FNDC3A: variants seen among roughly 807,000 people sequenced by gnomAD.
The protein encoded by FNDC3A is fibronectin type-III domain-containing protein 3A.
A neutral mutation model predicts 148.9 loss-of-function variants in FNDC3A; 32 were observed. The observed-to-expected ratio is 0.21, with a 90% confidence interval of 0.16 to 0.29. FNDC3A has a LOEUF of 0.29. Ranked by LOEUF, FNDC3A falls within the 10% of genes least tolerant of loss-of-function variation. The pLI is 1.00. For missense variants in FNDC3A, 1,191 were observed against 1,452.8 expected (o/e 0.82, Z 2.93); for synonymous variants, 472 against 473.6 (o/e 1.00, Z 0.04).
intron 2 of FNDC3A, among the ~76,000 whole-genome samples, chr13:49,074,479 T>C (rs143348951): frequency 1.8e-4 from 27 of 152,288 alleles, no homozygotes; most frequent in Non-Finnish European, 3.5e-4. Context: ...GAAAACTGCA[T>C]ACCAAGACAC....
chr13:49,111,792 C>T (rs1332965584), intron 3 of FNDC3A, among the ~76,000 whole-genome samples: 1 of 150,170 alleles, frequency 6.7e-6, no homozygotes, highest in African/African-American at 2.4e-5. Context: ...AATTTTTTTG[C>T]TAGAGTGAAA....
chr13:49,028,186 G>C (rs1345479099), intron 2 of FNDC3A, among the ~76,000 whole-genome samples: 1 of 151,792 alleles, frequency 6.6e-6, no homozygotes, highest in Non-Finnish European at 1.5e-5. Flanking sequence ...CTGTACTCTA[G>C]CCTGGGCAAC....
chr13:49,198,846 G>A (rs918430121), intron 23 of FNDC3A, among the ~76,000 whole-genome samples: 1 of 152,132 alleles, frequency 6.6e-6, no homozygotes, highest in Non-Finnish European at 1.5e-5. Context: ...TTTTTAAAAC[G>A]TTAGAAAACA....
At chr13:48,989,522 T>G (rs549529328) in intron 1 of FNDC3A, among the ~76,000 whole-genome samples, 1 of 152,202 alleles carries the variant, frequency 6.6e-6, no homozygotes, top group African/African-American at 2.4e-5. Flanking sequence ...TAATGGCATG[T>G]TAGACTTTGT....
In FNDC3A at chr13:49,070,650, C is replaced by T. The variant is rs190850493; in HGVS notation, c.100-4639C>T. 5.3e-5 allele frequency among the ~76,000 whole-genome samples: 8 copies of T among 152,114 alleles called. No homozygotes were observed. In the South Asian group the frequency reaches 1.2e-3, roughly 24 times the overall value. On this transcript the variant is annotated intron_variant, in intron 2 of 25. Coordinates refer to ENST00000492622, the MANE Select transcript of FNDC3A (RefSeq NM_001079673.2). ...AGTTCTTTACTATCAAATACTAGAACGTATTCTTTCTAACTGTAATTTTGT... is the reference window on the plus strand; with the variant it reads ...AGTTCTTTACTATCAAATACTAGAATGTATTCTTTCTAACTGTAATTTTGT...
chr13:49,158,387 G>A (rs550586942), intron 8 of FNDC3A, among the ~76,000 whole-genome samples: 58 of 152,326 alleles, frequency 3.8e-4, no homozygotes, highest in Admixed American at 1.8e-3. Flanking sequence ...GCTCGCCCAC[G>A]GTACGCGCGC....
chr13:49,187,482 T>C (rs2138096451), intron 16 of FNDC3A: 1 of 1,505,806 alleles, frequency 6.6e-7, no homozygotes, highest in Non-Finnish European at 9.2e-7. Context: ...AACATCCTTA[T>C]GTTTTAAGTA....
intron 8 of FNDC3A, among the ~76,000 whole-genome samples, chr13:49,162,131 T>A (rs1239629706): frequency 1.3e-5 from 2 of 152,160 alleles, no homozygotes; most frequent in Non-Finnish European, 2.9e-5. Flanking sequence ...GTCTCTGTAT[T>A]TCGTAAATTT....
chr13:49,185,918 T>G, intron 14 of FNDC3A, 46 bp from the exon 15 acceptor site: 2 of 1,458,278 alleles, frequency 1.4e-6, no homozygotes, highest in Non-Finnish European at 9.5e-7. Flanking sequence ...GCCAGTATCA[T>G]TAGGTATCAA....
chr13:49,189,070 TTTA>T lies in FNDC3A; in HGVS notation c.1944+444_1944+446del, dbSNP rs534330605. Among the ~76,000 whole-genome samples the T allele has an allele frequency of 1.3e-3, 205 of 152,320 alleles. 1 individual carries two copies. Among genetic ancestry groups the T allele is most frequent in the African/African-American group, 4.7e-3 (197 of 41,562 alleles). On this transcript the variant is annotated intron_variant, in intron 17 of 25. Transcript: ENST00000492622. ...TTACTTCAAAAAAGTTGGCCATTAT[TTTA>T]TTATTAGAGACTCAATAACCAAAAT... is the stretch of plus-strand genomic sequence containing the variant.
At chr13:49,002,532 A>G (rs1263484508) in intron 1 of FNDC3A, among the ~76,000 whole-genome samples, 1 of 152,184 alleles carries the variant, frequency 6.6e-6, no homozygotes, top group East Asian at 1.9e-4. Context: ...TCATCACATA[A>G]TAGCCCCCCA....
At chr13:49,194,840 A>G (rs4245350) in intron 19 of FNDC3A, among the ~76,000 whole-genome samples, 87,967 of 151,840 alleles carry the variant, frequency 0.58, 27,130 homozygotes, top group Non-Finnish European at 0.68. Context: ...GCTTTAAACT[A>G]TATAAAGTTT....
At chr13:49,080,036 A>G (rs919080307) in intron 3 of FNDC3A, among the ~76,000 whole-genome samples, 13 of 152,204 alleles carry the variant, frequency 8.5e-5, no homozygotes, top group Non-Finnish European at 1.3e-4. Context: ...GGCTCAAGCA[A>G]TCGTCCCATC....
chr13:49,099,643 ACT>A (rs948978560), intron 3 of FNDC3A, among the ~76,000 whole-genome samples: 11 of 152,084 alleles, frequency 7.2e-5, no homozygotes, highest in South Asian at 2.1e-4. Flanking sequence ...CTTGCAGTAA[ACT>A]CTCTCAGCAA....
rs77674469 is a variant in FNDC3A at position 49,147,834 on chromosome 13, T to C, written c.977+1899T>C. On this transcript the variant is annotated intron_variant, in intron 8 of 25. Transcript: ENST00000492622. ...CTTGTATCCATATTGGTTGTACTAA[T>C]TAACATTCCACCAACAGTGTATAAG... 7.6e-3 allele frequency among the ~76,000 whole-genome samples: 1,161 copies of C among 152,340 alleles called. 20 individuals are homozygous for C. The highest frequency in any genetic ancestry group is 0.027 in the African/African-American group (1,102 of 41,568).
chr13:49,025,240 TA>T (rs1426086935), intron 2 of FNDC3A, among the ~76,000 whole-genome samples: 1 of 152,068 alleles, frequency 6.6e-6, no homozygotes, highest in East Asian at 1.9e-4. Context: ...CACTGGTTTA[TA>T]ACATTATAAA....
chr13:49,101,190 A>G (rs987835248), intron 3 of FNDC3A, among the ~76,000 whole-genome samples: 3 of 152,096 alleles, frequency 2.0e-5, no homozygotes, highest in Admixed American at 6.5e-5. Flanking sequence ...TGCTTATTTC[A>G]TTGTCAGTCA....
At chr13:49,127,600 C>G (rs1370481174) in intron 4 of FNDC3A, among the ~76,000 whole-genome samples, 1 of 152,230 alleles carries the variant, frequency 6.6e-6, no homozygotes, top group Non-Finnish European at 1.5e-5. Flanking sequence ...ACTCTATACA[C>G]TGTCTTAGTT....
intron 3 of FNDC3A, among the ~76,000 whole-genome samples, chr13:49,080,291 A>G (rs930399336): frequency 8.5e-5 from 13 of 152,056 alleles, no homozygotes; most frequent in African/African-American, 2.9e-4. Flanking sequence ...CCACTCTTAA[A>G]TATCTAAAAG....
Sources: allele counts gnomAD v4.1 joint callset (sites outside exome capture counted in the v4.1 genomes callset), GRCh38; gene constraint gnomAD v4.1.1; transcripts MANE v1.5; gene names NCBI Gene and HGNC (gene_info 2026-07-23, HGNC 2026-07-21).